CACNA1E: variants seen among roughly 807,000 people sequenced by gnomAD.
CACNA1E encodes the protein calcium voltage-gated channel subunit alpha1 E, also known as voltage-dependent R-type calcium channel subunit alpha-1E.
Under a neutral mutation model 259.2 loss-of-function variants are expected in CACNA1E, and 40 were observed. That is an observed-to-expected ratio of 0.15 (90% confidence interval 0.12 to 0.20). The LOEUF (loss-of-function observed/expected upper bound fraction) is 0.20, where lower values mean the gene tolerates loss of function less well. CACNA1E is among the 10% of genes least tolerant of loss of function. CACNA1E has a pLI of 1.00. For synonymous variants in CACNA1E, 1,104 were observed against 1,138.5 expected, an observed-to-expected ratio of 0.97 and a Z score of 0.61; for missense variants, 1,874 against 3,040.1, an observed-to-expected ratio of 0.62 and a Z score of 9.02.
intron 6 of CACNA1E, among the ~76,000 whole-genome samples, chr1:181,586,657 T>C (rs1652099994): frequency 6.6e-6 from 1 of 152,230 alleles, no homozygotes; most frequent in Admixed American, 6.5e-5. Flanking sequence ...TTAAAAAAGG[T>C]TATTACTAGA....
Position 181,755,413 on chromosome 1 carries a change from G to A in CACNA1E, c.3989+16G>A, listed in dbSNP as rs77439656. The A allele has an allele frequency of 4.5e-3, 7,261 of 1,608,848 alleles. 25 individuals carry two copies. Among genetic ancestry groups the A allele is most frequent in the Non-Finnish European group, 5.5e-3 (6,413 of 1,176,180 alleles). ...AGGAGTGCATGTAAGTGCCACCAGCGCATTCCACTTGATTTTGCTGAAGCA... is the reference window on the plus strand; with the variant it reads ...AGGAGTGCATGTAAGTGCCACCAGCACATTCCACTTGATTTTGCTGAAGCA... On this transcript the variant is annotated intron_variant, in intron 28 of 47. Coordinates refer to ENST00000367573, the MANE Select transcript of CACNA1E (RefSeq NM_001205293.3).
At chr1:181,630,667 C>T (rs1656643896) in intron 6 of CACNA1E, among the ~76,000 whole-genome samples, 1 of 152,052 alleles carries the variant, frequency 6.6e-6, no homozygotes, top group African/African-American at 2.4e-5. Context: ...CCTCTGGTAT[C>T]AGGCAGCTTC....
At chr1:181,527,183 G>T (rs1422014229) in intron 3 of CACNA1E, among the ~76,000 whole-genome samples, 1 of 152,224 alleles carries the variant, frequency 6.6e-6, no homozygotes, top group Non-Finnish European at 1.5e-5. Context: ...ACATTCTGGA[G>T]ACTGGGAAGT....
chr1:181,781,430 C>T lies in CACNA1E; in HGVS notation c.5271C>T (p.Gly1757=). The change falls in exon 39 of 48, where the codon GGC becomes GGT. Residue 1757 remains glycine, a synonymous_variant. Coordinates refer to ENST00000367573, the MANE Select transcript of CACNA1E (RefSeq NM_001205293.3). ...VWAEYDRAAC[G]RIHYTEMYEM... is the part of the protein sequence containing the mutation. ...ACTCACCACCCTCCATGAGCAGTGG[C>T]CGCATCCATTACACTGAGATGTATG... The T allele has an allele frequency of 6.4e-7, 1 of 1,560,132 alleles. No individual in the cohort carries two copies.
At chr1:181,696,407 T>C (rs1450410783) in intron 7 of CACNA1E, among the ~76,000 whole-genome samples, 3 of 152,360 alleles carry the variant, frequency 2.0e-5, no homozygotes, top group African/African-American at 7.2e-5. Flanking sequence ...TATAACATTT[T>C]TCTGAGCAGC....
At chr1:181,386,663 T>A (rs1292778937) in intron 1 of CACNA1E, among the ~76,000 whole-genome samples, 1 of 152,224 alleles carries the variant, frequency 6.6e-6, no homozygotes, top group Non-Finnish European at 1.5e-5. Context: ...TTAAATTGTA[T>A]TTTATTGAAA....
intron 3 of CACNA1E, among the ~76,000 whole-genome samples, chr1:181,574,958 G>A (rs1650809455): frequency 6.6e-6 from 1 of 152,124 alleles, no homozygotes. Context: ...TCAGGAAGCG[G>A]AGGTTGCAGT....
chr1:181,356,964 C>T (rs920359790), intron 1 of CACNA1E, among the ~76,000 whole-genome samples: 16 of 152,200 alleles, frequency 1.1e-4, no homozygotes, highest in African/African-American at 3.6e-4. Context: ...CTAGAGGGTA[C>T]AGAGAAGTTG....
At chr1:181,559,549 T>A (rs979627600) in intron 3 of CACNA1E, among the ~76,000 whole-genome samples, 6 of 152,144 alleles carry the variant, frequency 3.9e-5, no homozygotes, top group African/African-American at 7.2e-5. Context: ...GAGAAAAGGA[T>A]AACTCAGAAG....
chr1:181,535,217 T>G (rs1481534726), intron 3 of CACNA1E, among the ~76,000 whole-genome samples: 1 of 152,124 alleles, frequency 6.6e-6, no homozygotes, highest in African/African-American at 2.4e-5. Flanking sequence ...CATAAAAAAG[T>G]TCAGTATCAT....
intron 39 of CACNA1E, among the ~76,000 whole-genome samples, chr1:181,781,876 G>A (rs1415628580): frequency 2.0e-5 from 3 of 152,094 alleles, no homozygotes; most frequent in South Asian, 4.1e-4. Flanking sequence ...TGGGCAAGAA[G>A]GAAGCCTACA....
Position 181,798,756 on chromosome 1 carries a change from C to CG in CACNA1E, c.6870dup (p.Pro2291AlafsTer16). The stretch of plus-strand genomic sequence containing the variant: ...ACGGGCACTATCGGCGGCGGAGGCG[C>CG]GGGGGGCCTGGGCCAGGCATGATGT... On this transcript the variant is annotated frameshift_variant, in exon 48 of 48. Transcript: ENST00000367573. LOFTEE classifies it high-confidence loss of function. The surrounding 1 kb of genome is among the most constrained non-coding windows in gnomAD (Gnocchi z 4.2). 4 of 1,601,912 alleles carry CG rather than the reference C, an allele frequency of 2.5e-6. No homozygotes were observed. The highest frequency in any genetic ancestry group is 2.6e-6 in the Non-Finnish European group (3 of 1,174,026).
chr1:181,434,000 G>A (rs1052575917), intron 2 of CACNA1E, among the ~76,000 whole-genome samples: 4 of 152,156 alleles, frequency 2.6e-5, no homozygotes, highest in Non-Finnish European at 5.9e-5. Flanking sequence ...ACTGGAGACC[G>A]GCATGTTTGC....
At chr1:181,422,151 C>T (rs776643971) in intron 2 of CACNA1E, among the ~76,000 whole-genome samples, 3 of 152,198 alleles carry the variant, frequency 2.0e-5, no homozygotes, top group African/African-American at 7.2e-5. Flanking sequence ...GAGAGGCTGT[C>T]CTTCATCACA....
intron 47 of CACNA1E, 95 bp downstream of exon 47, chr1:181,796,953 C>A: frequency 1.2e-6 from 1 of 832,432 alleles, no homozygotes. Context: ...CAAACGCATT[C>A]AAGTACCCAC....
intron 1 of CACNA1E, among the ~76,000 whole-genome samples, chr1:181,490,541 A>ATTT (rs1664219765): frequency 8.6e-6 from 1 of 116,328 alleles, no homozygotes; most frequent in Admixed American, 9.3e-5. Flanking sequence ...TGTGCCAAGC[A>ATTT]TGTTTTTTTT....
chr1:181,335,492 G>A (rs1438629333), intron 1 of CACNA1E, among the ~76,000 whole-genome samples: 1 of 152,208 alleles, frequency 6.6e-6, no homozygotes, highest in African/African-American at 2.4e-5. Flanking sequence ...TAGATGTGCT[G>A]TCCTGAATCT....
At chr1:181,447,338 C>T (rs1444747063) in intron 2 of CACNA1E, among the ~76,000 whole-genome samples, 1 of 147,820 alleles carries the variant, frequency 6.8e-6, no homozygotes, top group Non-Finnish European at 1.5e-5. Context: ...ACCAGCTGGG[C>T]AACATAGCAA....
At chr1:181,467,005 G>C (rs1248235033) in intron 2 of CACNA1E, among the ~76,000 whole-genome samples, 2 of 152,200 alleles carry the variant, frequency 1.3e-5, no homozygotes, top group Non-Finnish European at 2.9e-5. Context: ...GAAGGAAGTG[G>C]GTGAGAAACA....
Sources: gnomAD v4.1 joint callset for allele counts (sites outside exome capture counted in the v4.1 genomes callset) on GRCh38, gnomAD v4.1.1 for gene constraint, Gnocchi (gnomAD v3.1) non-coding constraint, MANE v1.5 for transcripts, NCBI Gene and HGNC (gene_info 2026-07-23, HGNC 2026-07-21) for gene names.